The following CEP350 variants were observed in gnomAD, a reference collection of about 807,000 sequenced individuals.
CEP350 encodes the protein centrosomal protein 350.
In CEP350, 126 loss-of-function variants were observed where a neutral mutation model predicts 331.8. The ratio of observed to expected loss-of-function variants is 0.38; its 90% confidence interval spans 0.33 to 0.44. The LOEUF is 0.44. CEP350 is among the 20% of genes least tolerant of loss of function. CEP350 has a pLI of 1.00. For synonymous variants in CEP350, 1,200 were observed against 1,259.5 expected (o/e 0.95, Z 1.00); for missense variants, 3,406 against 3,634.6 (o/e 0.94, Z 1.62).
intron 1 of CEP350, chr1:179,968,539 C>T: frequency 3.1e-6 from 1 of 326,340 alleles, no homozygotes; most frequent in South Asian, 2.7e-5. Flanking sequence ...CCTTAAACAG[C>T]CTCTCAGTTG....
At chr1:179,975,144 A>T (rs77366651) in intron 1 of CEP350, among the ~76,000 whole-genome samples, 307 of 152,376 alleles carry the variant, frequency 2.0e-3, no homozygotes, top group African/African-American at 6.9e-3. Context: ...TTCTTGCCAG[A>T]TAAAATTTAG....
intron 3 of CEP350, among the ~76,000 whole-genome samples, chr1:179,988,348 ATGT>A (rs1167187942): frequency 1.3e-5 from 2 of 151,800 alleles, no homozygotes; most frequent in Non-Finnish European, 2.9e-5. Flanking sequence ...GGCTTTGTCT[ATGT>A]AGAAAGCTCA....
chr1:180,003,230 G>A lies in CEP350; in HGVS notation c.1075G>A (p.Ala359Thr). ...RTPDGKVWQE[A>T]EFQNMSRELY... ...ACCTGATGGGAAAGTGTGGCAGGAGGCTGAGTTTCAAAACATGAGTAGAGA... is the reference window on the plus strand; with the variant it reads ...ACCTGATGGGAAAGTGTGGCAGGAGACTGAGTTTCAAAACATGAGTAGAGA... Residue 359 changes from alanine (A) to threonine (T), a missense_variant, in exon 7 of 38, where the codon GCT (alanine) becomes ACT (threonine). This residue lies in a region of CEP350 where 1,857 missense variants were observed against 1,909.2 expected (regional missense o/e 0.97). Coordinates refer to ENST00000367607, the MANE Select transcript of CEP350 (RefSeq NM_014810.5). 2 of 1,613,442 alleles carry A rather than the reference G, an allele frequency of 1.2e-6. No individual in the cohort carries two copies. Among genetic ancestry groups the A allele is most frequent in the South Asian group, 2.2e-5 (2 of 90,940 alleles).
At chr1:180,039,356 C>A (rs189956153) in intron 17 of CEP350, among the ~76,000 whole-genome samples, 5 of 152,070 alleles carry the variant, frequency 3.3e-5, no homozygotes, top group African/African-American at 1.2e-4. Flanking sequence ...CCCTAAGATA[C>A]TAAGATATCT....
chr1:180,023,727 G>GTCTGAT (rs557768222), intron 13 of CEP350, among the ~76,000 whole-genome samples: 41 of 152,146 alleles, frequency 2.7e-4, no homozygotes, highest in Non-Finnish European at 5.1e-4. Context: ...CTTGTACATA[G>GTCTGAT]TCACATAGTA....
rs768057158 is a variant in CEP350 at position 180,024,402 on chromosome 1, T to C, written c.3387-17T>C. The stretch of plus-strand genomic sequence containing the variant: ...AGACTTTTCTTTCTGGAACTACTAT[T>C]ATTTATTCTTTGACAGTAGCACTTT... On this transcript the variant is annotated splice_polypyrimidine_tract_variant and intron_variant, in intron 13 of 37. Coordinates refer to ENST00000367607, the MANE Select transcript of CEP350 (RefSeq NM_014810.5). 1 of 1,595,428 alleles carries C rather than the reference T, an allele frequency of 6.3e-7. No homozygotes were observed. Among genetic ancestry groups the C allele is most frequent in the Non-Finnish European group, 8.5e-7 (1 of 1,172,992 alleles).
At chr1:180,106,999 T>C (rs1661183397) in intron 37 of CEP350, among the ~76,000 whole-genome samples, 2 of 152,276 alleles carry the variant, frequency 1.3e-5, no homozygotes, top group Admixed American at 1.3e-4. Flanking sequence ...GATTCTTTCT[T>C]TGAACATAAT....
At chr1:180,082,515 A>G (rs931128234) in intron 30 of CEP350, among the ~76,000 whole-genome samples, 2 of 152,132 alleles carry the variant, frequency 1.3e-5, no homozygotes, top group African/African-American at 4.8e-5. Context: ...GGGTTTTGCC[A>G]TGCTGCCCAG....
chr1:180,088,253 C>T (rs1275659547), intron 32 of CEP350, among the ~76,000 whole-genome samples: 1 of 151,822 alleles, frequency 6.6e-6, no homozygotes, highest in Non-Finnish European at 1.5e-5. Context: ...AGTATGCAGT[C>T]AGTAAGCAAA....
intron 25 of CEP350, among the ~76,000 whole-genome samples, chr1:180,056,311 A>C (rs1284416909): frequency 1.3e-5 from 2 of 152,108 alleles, no homozygotes; most frequent in African/African-American, 4.8e-5. Context: ...AGATTATTTA[A>C]AAATTACCCA....
intron 28 of CEP350, among the ~76,000 whole-genome samples, chr1:180,076,327 A>G (rs1380047714): frequency 1.3e-5 from 2 of 152,240 alleles, no homozygotes; most frequent in Non-Finnish European, 2.9e-5. Flanking sequence ...AATCTTACCT[A>G]TCCTGAATTA....
intron 1 of CEP350, among the ~76,000 whole-genome samples, chr1:179,978,478 G>C (rs138649871): frequency 2.0e-5 from 3 of 152,132 alleles, no homozygotes; most frequent in African/African-American, 4.8e-5. Context: ...TAGAACACTA[G>C]AACTTATTCC....
At chr1:179,986,380 A>G in intron 2 of CEP350, 126 bp downstream of exon 2, 1 of 576,778 alleles carries the variant, frequency 1.7e-6, no homozygotes, top group Non-Finnish European at 3.0e-6. Flanking sequence ...TCATTTTAAA[A>G]TTCTCTTATA....
chr1:180,018,717 A>C lies in CEP350; in HGVS notation c.2175-1232A>C, dbSNP rs1279795768. ...CAGCCTATAAAAATAAATTCATCTCATAATTTGGTCATTTGTTGGGTCAGC... is the reference window on the plus strand; with the variant it reads ...CAGCCTATAAAAATAAATTCATCTCCTAATTTGGTCATTTGTTGGGTCAGC... On this transcript the variant is annotated intron_variant, in intron 11 of 37. Transcript: ENST00000367607. Among the ~76,000 whole-genome samples, 3 of 152,226 alleles carry C rather than the reference A, an allele frequency of 2.0e-5. No individual in the cohort carries two copies. In the East Asian group the frequency reaches 5.8e-4, roughly 29 times the overall value.
intron 22 of CEP350, among the ~76,000 whole-genome samples, chr1:180,051,252 C>T (rs1368625174): frequency 1.3e-5 from 2 of 152,246 alleles, no homozygotes; most frequent in Non-Finnish European, 2.9e-5. Context: ...TTACAGTCCT[C>T]CGCTCTACCA....
chr1:180,051,081 G>T (rs1657468723), intron 22 of CEP350, among the ~76,000 whole-genome samples: 1 of 152,176 alleles, frequency 6.6e-6, no homozygotes, highest in Non-Finnish European at 1.5e-5. Context: ...CCTATATACT[G>T]ATGTTCATAG....
chr1:180,111,308 A>G lies in CEP350; in HGVS notation c.*147A>G, dbSNP rs112080252. 750 of 910,060 alleles carry G rather than the reference A, an allele frequency of 8.2e-4. 3 individuals carry two copies. The African/African-American group carries it at 0.011, about 13-fold the overall frequency. 56.4% of individuals were successfully genotyped at this position (910,060 alleles called of 1,614,324 possible). ...CTACCAGTATGGAGTTCATAGGACAATGTGGTACACCTGGTATTACAGCCT... is the reference window on the plus strand; with the variant it reads ...CTACCAGTATGGAGTTCATAGGACAGTGTGGTACACCTGGTATTACAGCCT... On this transcript the variant is annotated 3_prime_UTR_variant, in exon 38 of 38. Transcript: ENST00000367607.
intron 36 of CEP350, 55 bp downstream of exon 36, chr1:180,096,239 T>C (rs1480946088): frequency 8.0e-6 from 12 of 1,498,852 alleles, no homozygotes; most frequent in Non-Finnish European, 9.8e-6. Flanking sequence ...CATTTACACA[T>C]ATCTGTAAAT....
chr1:180,009,135 G>A (rs1654452360), intron 8 of CEP350, among the ~76,000 whole-genome samples: 1 of 152,142 alleles, frequency 6.6e-6, no homozygotes, highest in Non-Finnish European at 1.5e-5. Flanking sequence ...TCAGCCTCCT[G>A]AGTAGCTGGG....
Sources: allele counts gnomAD v4.1 joint callset (sites outside exome capture counted in the v4.1 genomes callset), GRCh38; gene constraint gnomAD v4.1.1; regional missense constraint gnomAD v4.1.1; transcripts MANE v1.5; gene names NCBI Gene and HGNC (gene_info 2026-07-23, HGNC 2026-07-21).